The following CACNA1A variants were observed in gnomAD, a reference collection of about 807,000 sequenced individuals.
The protein encoded by CACNA1A is voltage-dependent P/Q-type calcium channel subunit alpha-1A.
In CACNA1A, 57 loss-of-function variants were observed where a neutral mutation model predicts 262.4. That is an observed-to-expected ratio of 0.22 (90% CI 0.18 to 0.27). The LOEUF is 0.27. Ranked by LOEUF, CACNA1A falls within the 10% of genes least tolerant of loss-of-function variation. The probability of loss-of-function intolerance (pLI) is 1.00; values close to 1 mark genes in which losing one functional copy is unlikely to be tolerated. For synonymous variants in CACNA1A, 1,431 were observed against 1,419.3 expected (o/e 1.01, Z -0.18); for missense variants, 2,526 against 3,562.8 (o/e 0.71, Z 7.41).
intron 19 of CACNA1A, among the ~76,000 whole-genome samples, chr19:13,295,088 G>C (rs140513840): frequency 2.0e-5 from 3 of 152,300 alleles, no homozygotes; most frequent in East Asian, 3.9e-4. Flanking sequence ...TTTCTTGGTC[G>C]TATTTCTCAG....
intron 34 of CACNA1A, among the ~76,000 whole-genome samples, chr19:13,234,048 T>TAAAAAA (rs60742009): frequency 2.0e-5 from 2 of 102,354 alleles, no homozygotes; most frequent in African/African-American, 8.0e-5. Flanking sequence ...AGACTCCATC[T>TAAAAAA]AAAAAAAAAA....
At chr19:13,462,467 C>T (rs530314198) in intron 1 of CACNA1A, among the ~76,000 whole-genome samples, 1 of 152,284 alleles carries the variant, frequency 6.6e-6, no homozygotes, top group East Asian at 1.9e-4. Context: ...TAAACACATA[C>T]CCCAATTTCA....
chr19:13,258,735 C>T (rs2056639641), intron 27 of CACNA1A: 2 of 151,938 alleles, frequency 1.3e-5, no homozygotes, highest in South Asian at 2.1e-4. Context: ...CTGGAATCTA[C>T]CAAGCTTCCA....
chr19:13,413,123 T>A (rs1449005640), intron 3 of CACNA1A, among the ~76,000 whole-genome samples: 2 of 148,912 alleles, frequency 1.3e-5, no homozygotes, highest in Admixed American at 6.6e-5. Flanking sequence ...GTTTTTTTTT[T>A]AGATGGTGTC....
chr19:13,223,086 G>A (rs2144587065), intron 38 of CACNA1A, among the ~76,000 whole-genome samples: 1 of 152,222 alleles, frequency 6.6e-6, no homozygotes, highest in Middle Eastern at 3.4e-3. Flanking sequence ...GTGCAGTGGT[G>A]CGATCATGAC....
chr19:13,232,080 C>T (rs1329343361), intron 34 of CACNA1A, among the ~76,000 whole-genome samples: 4 of 152,066 alleles, frequency 2.6e-5, no homozygotes, highest in African/African-American at 9.7e-5. Context: ...TACCAATGCC[C>T]GTGCCCCACC....
In CACNA1A at chr19:13,245,256, G is replaced by A. The variant is rs747020168; in HGVS notation, c.4876C>T (p.Arg1626Cys). The change falls in exon 31 of 47, where the codon CGC becomes TGC. Residue 1626 changes from arginine to cysteine, a missense_variant. This residue lies in a region of CACNA1A where 66 missense variants were observed against 195.8 expected (regional missense o/e 0.34). Transcript: ENST00000360228. ...AAGTCGAAGATGTTCCAGGCATCGCGGAAATAATTCTAGAATGGGGACCCA... is the reference window on the plus strand; with the variant it reads ...AAGTCGAAGATGTTCCAGGCATCGCAGAAATAATTCTAGAATGGGGACCCA... ...VMAFGILNYFRDAWNIFDFVT... is the reference protein window; with the variant it reads ...VMAFGILNYFCDAWNIFDFVT... 7 of 1,613,576 alleles carry A rather than the reference G, an allele frequency of 4.3e-6. No homozygotes were observed. Among genetic ancestry groups the A allele is most frequent in the South Asian group, 2.2e-5 (2 of 91,084 alleles).
chr19:13,235,058 A>T, intron 33 of CACNA1A, 22 bp from the exon 34 acceptor site: 1 of 1,584,392 alleles, frequency 6.3e-7, no homozygotes, highest in Non-Finnish European at 8.7e-7. Context: ...GAGGGTGACG[A>T]CCAGGGGCTG....
chr19:13,213,146 G>A (rs1159137233), intron 40 of CACNA1A, among the ~76,000 whole-genome samples: 1 of 152,202 alleles, frequency 6.6e-6, no homozygotes, highest in Middle Eastern at 3.4e-3. Flanking sequence ...GGCCCTGAAG[G>A]ATCTGCCCTG....
chr19:13,320,661 C>CCTACAGTG (rs2058234560), intron 10 of CACNA1A, among the ~76,000 whole-genome samples: 1 of 151,948 alleles, frequency 6.6e-6, no homozygotes, highest in African/African-American at 2.4e-5. Context: ...AGTGCTGGAC[C>CCTACAGTG]CCATGCTAGG....
intron 1 of CACNA1A, among the ~76,000 whole-genome samples, chr19:13,489,065 G>A (rs1367908452): frequency 7.8e-6 from 1 of 129,014 alleles, no homozygotes; most frequent in African/African-American, 3.0e-5. Flanking sequence ...AGGCTGGAGT[G>A]CAGTGGTGCA....
intron 31 of CACNA1A, among the ~76,000 whole-genome samples, chr19:13,238,831 C>T (rs998827485): frequency 1.7e-4 from 26 of 152,262 alleles, no homozygotes; most frequent in Middle Eastern, 3.4e-3. Flanking sequence ...AGGTGATCTT[C>T]CTGCCTCAGC....
intron 23 of CACNA1A, among the ~76,000 whole-genome samples, chr19:13,276,635 G>T (rs2057154383): frequency 6.6e-6 from 1 of 151,778 alleles, no homozygotes; most frequent in Non-Finnish European, 1.5e-5. Context: ...CTAATCCTCT[G>T]GGAGACTCAT....
chr19:13,231,449 G>C (rs2055663740), intron 35 of CACNA1A, among the ~76,000 whole-genome samples: 1 of 152,064 alleles, frequency 6.6e-6, no homozygotes, highest in South Asian at 2.1e-4. Context: ...GGCGTGTGCT[G>C]CCAGCATCTG....
At chr19:13,444,491 G>A (rs527609360) in intron 3 of CACNA1A, among the ~76,000 whole-genome samples, 2 of 152,192 alleles carry the variant, frequency 1.3e-5, no homozygotes, top group African/African-American at 4.8e-5. Flanking sequence ...AGAGGTGTAT[G>A]GTCAAGACAC....
At chr19:13,229,038 C>T (rs1251933167) in intron 36 of CACNA1A, 3 of 279,862 alleles carry the variant, frequency 1.1e-5, no homozygotes, top group African/African-American at 2.4e-5. Flanking sequence ...CTGCCTCCTC[C>T]ACAGTCTACA....
chr19:13,316,937 A>T, intron 11 of CACNA1A, 175 bp downstream of exon 11: 1 of 535,798 alleles, frequency 1.9e-6, no homozygotes, highest in East Asian at 2.9e-5. Context: ...GATGGGTTCC[A>T]TTGTCATAGC....
chr19:13,276,278 C>T (rs977289040), intron 23 of CACNA1A, among the ~76,000 whole-genome samples: 6 of 152,212 alleles, frequency 3.9e-5, no homozygotes, highest in Non-Finnish European at 7.3e-5. Flanking sequence ...TTTCCAGAAC[C>T]TTCCAAGAAT....
chr19:13,323,948 C>T (rs2058305037), intron 10 of CACNA1A, among the ~76,000 whole-genome samples: 1 of 152,160 alleles, frequency 6.6e-6, no homozygotes, highest in African/African-American at 2.4e-5. Flanking sequence ...CCCACGTTCA[C>T]TTCAGCATTA....
Sources: allele counts gnomAD v4.1 joint callset (sites outside exome capture counted in the v4.1 genomes callset), GRCh38; gene constraint gnomAD v4.1.1; regional missense constraint gnomAD v4.1.1; transcripts MANE v1.5; gene names NCBI Gene and HGNC (gene_info 2026-07-23, HGNC 2026-07-21).